AUTS2: variants seen among roughly 807,000 people sequenced by gnomAD.
AUTS2 encodes the protein activator of transcription and developmental regulator AUTS2, also known as autism susceptibility gene 2 protein.
AUTS2 carries 17 observed loss-of-function variants against 112.4 expected under a neutral mutation model. The ratio of observed to expected loss-of-function variants is 0.15; its 90% confidence interval spans 0.10 to 0.23. The LOEUF is 0.23. Ranked by LOEUF, AUTS2 falls within the 10% of genes least tolerant of loss-of-function variation. The probability of loss-of-function intolerance (pLI) is 1.00; values close to 1 mark genes in which losing one functional copy is unlikely to be tolerated. For missense variants in AUTS2, 1,510 were observed against 1,701.6 expected (o/e 0.89, Z 1.98); for synonymous variants, 751 against 702.7 (o/e 1.07, Z -1.09).
chr7:70,209,801 C>T (rs979515812), intron 4 of AUTS2, among the ~76,000 whole-genome samples: 3 of 152,158 alleles, frequency 2.0e-5, no homozygotes, highest in South Asian at 2.1e-4. Context: ...ATTAACCTAG[C>T]ACCCAAGGTG....
rs540577101 is a variant in AUTS2, at chr7:70,621,762, T to G, written c.691-76807T>G. The stretch of plus-strand genomic sequence containing the variant: ...CTAGTACAAACTATAGCAAACACAG[T>G]GGACCAGTGCTGAACTTTGCTAGCT... On this transcript the variant is annotated intron_variant, in intron 5 of 18. Coordinates refer to ENST00000342771, the MANE Select transcript of AUTS2 (RefSeq NM_015570.4). Among the ~76,000 whole-genome samples, 91 of 149,616 alleles carry G rather than the reference T, an allele frequency of 6.1e-4. 1 individual carries two copies. In the Middle Eastern group the frequency reaches 0.011, roughly 17 times the overall value.
At chr7:69,663,693 T>TA (rs1392639133) in intron 1 of AUTS2, among the ~76,000 whole-genome samples, 1 of 152,094 alleles carries the variant, frequency 6.6e-6, no homozygotes, top group Non-Finnish European at 1.5e-5. Flanking sequence ...GATGGGGAGG[T>TA]ATACTCTAGT....
At chr7:70,503,044 T>G (rs1354271456) in intron 5 of AUTS2, among the ~76,000 whole-genome samples, 1 of 151,908 alleles carries the variant, frequency 6.6e-6, no homozygotes, top group East Asian at 1.9e-4. Context: ...TTGCAAGTGC[T>G]CCCCAGGGTG....
intron 4 of AUTS2, among the ~76,000 whole-genome samples, chr7:70,159,759 T>G (rs1807978972): frequency 6.6e-6 from 1 of 152,214 alleles, no homozygotes; most frequent in East Asian, 1.9e-4. Context: ...AGTGAAAATT[T>G]TAAACCATGT....
At chr7:70,458,968 G>A (rs1447523936) in intron 5 of AUTS2, among the ~76,000 whole-genome samples, 1 of 152,118 alleles carries the variant, frequency 6.6e-6, no homozygotes, top group Non-Finnish European at 1.5e-5. Flanking sequence ...ACTTACTCCC[G>A]ACCCGGGCCT....
intron 2 of AUTS2, among the ~76,000 whole-genome samples, chr7:69,943,713 T>C (rs1192509981): frequency 6.6e-6 from 1 of 152,090 alleles, no homozygotes; most frequent in Non-Finnish European, 1.5e-5. Context: ...AAGAAAAAAA[T>C]AGGTGTTTGT....
At chr7:70,738,426 T>G (rs1787900261) in intron 6 of AUTS2, among the ~76,000 whole-genome samples, 2 of 151,684 alleles carry the variant, frequency 1.3e-5, no homozygotes, top group African/African-American at 4.8e-5. Context: ...TTGTTTTTTT[T>G]TTTTTTACTT....
intron 5 of AUTS2, among the ~76,000 whole-genome samples, chr7:70,569,952 G>A (rs543457258): frequency 1.3e-4 from 20 of 151,846 alleles, no homozygotes; most frequent in East Asian, 3.9e-4. Context: ...AAAACTCTTC[G>A]GCAGCTAACG....
intron 4 of AUTS2, among the ~76,000 whole-genome samples, chr7:70,226,505 C>T (rs993601905): frequency 1.3e-5 from 2 of 151,774 alleles, no homozygotes; most frequent in African/African-American, 4.8e-5. Flanking sequence ...ATACCTGGCC[C>T]CCCCTTTTAA....
chr7:70,330,768 G>A (rs557507639), intron 4 of AUTS2, among the ~76,000 whole-genome samples: 131 of 152,164 alleles, frequency 8.6e-4, no homozygotes, highest in Middle Eastern at 3.4e-3. Flanking sequence ...CAGGGTGTCC[G>A]TCTATTTATT....
intron 2 of AUTS2, among the ~76,000 whole-genome samples, chr7:69,902,629 G>A (rs947000198): frequency 6.6e-6 from 1 of 152,168 alleles, no homozygotes; most frequent in Non-Finnish European, 1.5e-5. Flanking sequence ...TAGTAGAGAG[G>A]AAAGAATAGG....
intron 2 of AUTS2, among the ~76,000 whole-genome samples, chr7:69,950,460 A>G (rs936292724): frequency 1.3e-5 from 2 of 152,190 alleles, no homozygotes; most frequent in African/African-American, 4.8e-5. Flanking sequence ...TTAAAATGGA[A>G]AAGTTATGCA....
At chr7:70,282,855 C>T (rs369992749) in intron 4 of AUTS2, among the ~76,000 whole-genome samples, 3 of 152,098 alleles carry the variant, frequency 2.0e-5, no homozygotes, top group African/African-American at 4.8e-5. Flanking sequence ...CTTCAAGAAA[C>T]GCCTCCATCC....
intron 2 of AUTS2, among the ~76,000 whole-genome samples, chr7:70,089,417 A>C (rs1803789597): frequency 1.3e-5 from 2 of 152,060 alleles, no homozygotes; most frequent in East Asian, 3.8e-4. Context: ...TCTGCTATTG[A>C]TATAGCTATT....
chr7:70,612,965 A>C (rs1006862106), intron 5 of AUTS2, among the ~76,000 whole-genome samples: 2 of 152,002 alleles, frequency 1.3e-5, no homozygotes, highest in African/African-American at 4.8e-5. Context: ...ATTTATGTGG[A>C]GGTCTGAGCT....
chr7:70,509,912 C>T (rs928267177), intron 5 of AUTS2, among the ~76,000 whole-genome samples: 2 of 152,202 alleles, frequency 1.3e-5, no homozygotes, highest in African/African-American at 4.8e-5. Flanking sequence ...TGCTTTCTTA[C>T]ATCAACTTCA....
At chr7:70,619,620 C>T (rs146735411) in intron 5 of AUTS2, among the ~76,000 whole-genome samples, 3 of 151,460 alleles carry the variant, frequency 2.0e-5, no homozygotes, top group East Asian at 1.9e-4. Flanking sequence ...ATAACCCTGG[C>T]ATTTTGTTTT....
chr7:70,781,381 AAAAC>A, intron 14 of AUTS2: 11 of 364,578 alleles, frequency 3.0e-5, no homozygotes, highest in East Asian at 6.1e-5. Context: ...AAAAAAAAAA[AAAAC>A]CAGACCAAAC....
intron 5 of AUTS2, among the ~76,000 whole-genome samples, chr7:70,550,091 C>T (rs1159435275): frequency 6.6e-6 from 1 of 152,172 alleles, no homozygotes; most frequent in African/African-American, 2.4e-5. Flanking sequence ...ATTGGAAATG[C>T]ATTTAAATAT....
Sources: allele counts gnomAD v4.1 joint callset (sites outside exome capture counted in the v4.1 genomes callset), GRCh38; gene constraint gnomAD v4.1.1; transcripts MANE v1.5; gene names NCBI Gene and HGNC (gene_info 2026-07-23, HGNC 2026-07-21).